The following RSRC1 variants were observed in gnomAD, a reference collection of about 807,000 sequenced individuals.
RSRC1 encodes arginine and serine rich coiled-coil 1, also known as serine/Arginine-related protein 53.
In RSRC1, 39 loss-of-function variants were observed where a neutral mutation model predicts 49.1. The ratio of observed to expected loss-of-function variants is 0.79; its 90% CI spans 0.61 to 1.04. RSRC1 has a LOEUF of 1.04. Ranked by LOEUF, RSRC1 falls within the 50% of genes least tolerant of loss-of-function variation. The pLI, the probability that RSRC1 is intolerant of heterozygous loss-of-function variation, is 0.00. For synonymous variants in RSRC1, 143 were observed against 130.8 expected (o/e 1.09, Z -0.63); for missense variants, 388 against 402.4 (o/e 0.96, Z 0.31).
intron 6 of RSRC1, among the ~76,000 whole-genome samples, chr3:158,357,449 C>T (rs761459559): frequency 1.5e-4 from 23 of 151,984 alleles, no homozygotes; most frequent in Admixed American, 2.6e-4. Context: ...ATACCAGTTC[C>T]GTGAATATGT....
chr3:158,455,979 CAAAAAAAAAAAAAAAAAAAAAAA>C (rs765828003), intron 6 of RSRC1, among the ~76,000 whole-genome samples: 1 of 56,496 alleles, frequency 1.8e-5, no homozygotes, highest in Non-Finnish European at 3.6e-5. Context: ...GACTCCATCT[CAAAAAAAAAAAAAAAAAAAAAAA>C]AAAAAAAAAA....
chr3:158,521,462 G>T (rs959146080), intron 7 of RSRC1, among the ~76,000 whole-genome samples: 5 of 151,980 alleles, frequency 3.3e-5, no homozygotes, highest in Non-Finnish European at 5.9e-5. Flanking sequence ...TTTCAATGTT[G>T]CAGGGCCCTG....
At chr3:158,404,792 C>T (rs930320897) in intron 6 of RSRC1, among the ~76,000 whole-genome samples, 12 of 151,894 alleles carry the variant, frequency 7.9e-5, no homozygotes, top group African/African-American at 2.7e-4. Flanking sequence ...TCTTCAATAA[C>T]ACATGAATAC....
At chr3:158,345,307 G>C (rs564662829) in intron 5 of RSRC1, among the ~76,000 whole-genome samples, 3 of 152,096 alleles carry the variant, frequency 2.0e-5, no homozygotes, top group African/African-American at 7.2e-5. Flanking sequence ...GTAAGTGTAT[G>C]TTGGTCTAAA....
chr3:158,157,820 CAGG>C (rs1717972380), intron 3 of RSRC1, among the ~76,000 whole-genome samples: 1 of 152,048 alleles, frequency 6.6e-6, no homozygotes, highest in South Asian at 2.1e-4. Context: ...GAGGCTGAGG[CAGG>C]AGAATAGCTT....
intron 7 of RSRC1, among the ~76,000 whole-genome samples, chr3:158,483,430 A>G (rs1007901285): frequency 2.6e-5 from 4 of 152,100 alleles, no homozygotes; most frequent in African/African-American, 9.7e-5. Flanking sequence ...GTAAAAATAT[A>G]TGGGAATAAT....
At chr3:158,209,950 G>A (rs142340504) in intron 4 of RSRC1, among the ~76,000 whole-genome samples, 64 of 152,162 alleles carry the variant, frequency 4.2e-4, no homozygotes, top group Non-Finnish European at 6.8e-4. Flanking sequence ...TTCAGTTTTA[G>A]AGTTTCATGT....
intron 4 of RSRC1, among the ~76,000 whole-genome samples, chr3:158,282,374 G>C (rs550469737): frequency 6.6e-6 from 1 of 152,312 alleles, no homozygotes; most frequent in East Asian, 1.9e-4. Context: ...CTGAGAGGAT[G>C]CTGTGAAGGA....
rs563594577 is a variant in RSRC1 at position 158,283,488 on chromosome 3, T to C, written c.495-14551T>C. ...CATGGATGTATAAAACTTACCCTCT[T>C]ACATTTTGTAACATGATTTAAAAAA... On this transcript the variant is annotated intron_variant, in intron 4 of 9. Transcript: ENST00000611884. Among the ~76,000 whole-genome samples the C allele has an allele frequency of 2.6e-5, 4 of 152,240 alleles. No homozygotes were observed. The South Asian group carries it at 8.3e-4, about 32-fold the overall frequency.
intron 1 of RSRC1, among the ~76,000 whole-genome samples, chr3:158,117,131 C>G (rs1714889288): frequency 6.6e-6 from 1 of 152,036 alleles, no homozygotes; most frequent in African/African-American, 2.4e-5. Context: ...CCGTTGTTTT[C>G]TGTGTTGTGA....
At chr3:158,403,312 G>A (rs193063724) in intron 6 of RSRC1, among the ~76,000 whole-genome samples, 28 of 151,934 alleles carry the variant, frequency 1.8e-4, no homozygotes, top group African/African-American at 5.8e-4. Context: ...CTGGAAAAGC[G>A]TGTAATAATA....
At chr3:158,238,966 C>T (rs148091285) in intron 4 of RSRC1, among the ~76,000 whole-genome samples, 6 of 152,172 alleles carry the variant, frequency 3.9e-5, no homozygotes, top group African/African-American at 9.6e-5. Context: ...GCAATCTACT[C>T]GTCTGACAAA....
chr3:158,190,838 G>T (rs959191745), intron 3 of RSRC1, among the ~76,000 whole-genome samples: 1 of 151,984 alleles, frequency 6.6e-6, no homozygotes, highest in East Asian at 1.9e-4. Context: ...AGACAATACT[G>T]TGGATGGACT....
At chr3:158,262,177 T>C (rs1344158172) in intron 4 of RSRC1, among the ~76,000 whole-genome samples, 1 of 152,206 alleles carries the variant, frequency 6.6e-6, no homozygotes, top group Admixed American at 6.5e-5. Flanking sequence ...GTCATGTGTT[T>C]CGTGTTGATC....
chr3:158,138,734 A>T (rs1420169257), intron 3 of RSRC1, among the ~76,000 whole-genome samples: 1 of 152,134 alleles, frequency 6.6e-6, no homozygotes, highest in African/African-American at 2.4e-5. Flanking sequence ...ATATTCCATG[A>T]TGTATTCAGG....
At chr3:158,359,738 G>A (rs11717923) in intron 6 of RSRC1, among the ~76,000 whole-genome samples, 33,457 of 152,172 alleles carry the variant, frequency 0.22, 4,281 homozygotes, top group Non-Finnish European at 0.29. Context: ...GCAACATGGT[G>A]AGCAAGGAGC....
rs142060289 is a variant in RSRC1, at chr3:158,229,334, GTGTA to G, written c.494+26099_494+26102del. Among the ~76,000 whole-genome samples the G allele has an allele frequency of 2.5e-3, 358 of 145,722 alleles. 3 individuals are homozygous for G. The highest frequency in any genetic ancestry group is 3.4e-3 in the Non-Finnish European group (223 of 66,286). On this transcript the variant is annotated intron_variant, in intron 4 of 9. Coordinates refer to ENST00000611884, the MANE Select transcript of RSRC1 (RefSeq NM_001271838.2). ...TGTATATAAACATACACAGGTATAT[GTGTA>G]TGTATGTATATATATACACATATAC...
chr3:158,363,368 A>G (rs574853715), intron 6 of RSRC1, among the ~76,000 whole-genome samples: 12 of 151,344 alleles, frequency 7.9e-5, no homozygotes, highest in Admixed American at 1.3e-4. Flanking sequence ...GGTTCAAGAG[A>G]TTCTCCTGCC....
intron 1 of RSRC1, among the ~76,000 whole-genome samples, chr3:158,118,093 G>A (rs1714965888): frequency 6.6e-6 from 1 of 152,022 alleles, no homozygotes. Flanking sequence ...GGTACTACAA[G>A]TATGCATCAC....
Sources: gnomAD v4.1 joint callset for allele counts (sites outside exome capture counted in the v4.1 genomes callset) on GRCh38, gnomAD v4.1.1 for gene constraint, MANE v1.5 for transcripts, NCBI Gene and HGNC (gene_info 2026-07-23, HGNC 2026-07-21) for gene names.